The following DLGAP2 variants were observed in gnomAD, a reference collection of about 807,000 sequenced individuals.
DLGAP2 encodes DLG associated protein 2.
Under a neutral mutation model 100.3 loss-of-function variants are expected in DLGAP2, and 26 were observed. The observed-to-expected ratio is 0.26, with a 90% CI of 0.19 to 0.36. DLGAP2 has a LOEUF of 0.36. Ranked by LOEUF, DLGAP2 falls within the 10% of genes least tolerant of loss-of-function variation. DLGAP2 has a pLI of 1.00. For synonymous variants in DLGAP2, 886 were observed against 630.1 expected, an observed-to-expected ratio of 1.41 and a Z score of -6.08; for missense variants, 1,858 against 1,453.2, an observed-to-expected ratio of 1.28 and a Z score of -4.53.
intron 5 of DLGAP2, among the ~76,000 whole-genome samples, chr8:1,562,362 C>T (rs868803437): frequency 1.9e-5 from 1 of 52,884 alleles, no homozygotes; most frequent in African/African-American, 8.1e-5. Context: ...GGGGTGTCCG[C>T]GCCTCGTTGC....
intron 2 of DLGAP2, among the ~76,000 whole-genome samples, chr8:1,061,588 C>G (rs1563170804): frequency 6.7e-6 from 1 of 149,944 alleles, no homozygotes; most frequent in Non-Finnish European, 1.5e-5. Context: ...TGGAGTCTCG[C>G]TACTCCCAAG....
At chr8:1,661,312 C>G (rs1798404309) in intron 8 of DLGAP2, among the ~76,000 whole-genome samples, 1 of 152,120 alleles carries the variant, frequency 6.6e-6, no homozygotes, top group Admixed American at 6.5e-5. Flanking sequence ...TTCTCCATGG[C>G]CTCTACTATG....
intron 2 of DLGAP2, among the ~76,000 whole-genome samples, chr8:1,038,734 G>C (rs112702321): frequency 6.6e-6 from 1 of 152,092 alleles, no homozygotes; most frequent in African/African-American, 2.4e-5. Context: ...AACAAAATAT[G>C]ACAGTAGGTG....
At chr8:1,031,250 T>A (rs143224789) in intron 2 of DLGAP2, among the ~76,000 whole-genome samples, 3 of 152,138 alleles carry the variant, frequency 2.0e-5, no homozygotes, top group Non-Finnish European at 4.4e-5. Context: ...CCCGTTTCCT[T>A]GAAGTTCAGG....
intron 2 of DLGAP2, among the ~76,000 whole-genome samples, chr8:985,103 G>A (rs745609582): frequency 1.2e-4 from 18 of 152,220 alleles, no homozygotes; most frequent in Non-Finnish European, 1.5e-5. Context: ...GTCATATCTT[G>A]ACAGTGATCA....
intron 6 of DLGAP2, among the ~76,000 whole-genome samples, chr8:1,585,291 T>C (rs1032601695): frequency 2.6e-5 from 4 of 152,088 alleles, no homozygotes; most frequent in Non-Finnish European, 5.9e-5. Context: ...GGCAAAACCC[T>C]GTCTGTACTA....
chr8:1,483,439 T>C (rs115927889), intron 3 of DLGAP2, among the ~76,000 whole-genome samples: 3,210 of 146,846 alleles, frequency 0.022, 182 homozygotes, highest in African/African-American at 0.08. Context: ...AACTGCTGTG[T>C]AAGAGGCTCA....
rs1316232552 is a variant in DLGAP2 at position 1,470,818 on chromosome 8, T to C, written c.107-30548T>C. Among the ~76,000 whole-genome samples, 40 of 22,434 alleles carry C rather than the reference T, an allele frequency of 1.8e-3. 1 individual carries two copies. The highest frequency in any genetic ancestry group is 3.2e-3 in the South Asian group (2 of 624). The allele number at this position is 22,434 out of a possible 152,430, so 14.7% of individuals were successfully genotyped here. Reference sequence around the variant, plus strand: ...GACCCCTCCAGCCTTTCCCGACCCCTCCAGCCTTTCCCGACCCCTCCAGGC... The same window carrying C: ...GACCCCTCCAGCCTTTCCCGACCCCCCCAGCCTTTCCCGACCCCTCCAGGC... On this transcript the variant is annotated intron_variant, in intron 3 of 14. Transcript: ENST00000637795.
chr8:1,363,565 G>A (rs1195919098), intron 3 of DLGAP2, among the ~76,000 whole-genome samples: 1 of 152,206 alleles, frequency 6.6e-6, no homozygotes, highest in African/African-American at 2.4e-5. Flanking sequence ...CATTTCCAGA[G>A]GAACTTGGTC....
chr8:1,592,393 C>T lies in DLGAP2; in HGVS notation c.1442+26499C>T, dbSNP rs115933753. Reference sequence around the variant, plus strand: ...ATCTTTATATTGACGATTGGCCTGACGTGTGCCTCTGGCCCCCTTGACTTT... The same window carrying T: ...ATCTTTATATTGACGATTGGCCTGATGTGTGCCTCTGGCCCCCTTGACTTT... On this transcript the variant is annotated intron_variant, in intron 6 of 14. Transcript: ENST00000637795. 1.8e-3 allele frequency among the ~76,000 whole-genome samples: 268 copies of T among 152,178 alleles called. 2 individuals carry two copies. The highest frequency in any genetic ancestry group is 0.01 in the South Asian group (49 of 4,824).
intron 3 of DLGAP2, among the ~76,000 whole-genome samples, chr8:1,434,683 C>T (rs951936531): frequency 6.6e-6 from 1 of 152,138 alleles, no homozygotes; most frequent in African/African-American, 2.4e-5. Context: ...ACTATGTTGC[C>T]CTGGCTGATC....
chr8:1,225,430 G>C (rs1454506598), intron 2 of DLGAP2, among the ~76,000 whole-genome samples: 1 of 152,210 alleles, frequency 6.6e-6, no homozygotes, highest in Non-Finnish European at 1.5e-5. Flanking sequence ...GAACAGAGAG[G>C]AGAATGGGGA....
intron 3 of DLGAP2, among the ~76,000 whole-genome samples, chr8:1,277,309 AT>A (rs1267462208): frequency 1.3e-5 from 2 of 152,048 alleles, no homozygotes; most frequent in African/African-American, 2.4e-5. Context: ...TGGTAACTGT[AT>A]TTTTTTGTTG....
intron 2 of DLGAP2, among the ~76,000 whole-genome samples, chr8:1,099,533 C>G (rs1013840509): frequency 1.3e-5 from 2 of 152,234 alleles, no homozygotes; most frequent in African/African-American, 2.4e-5. Flanking sequence ...GCAGTGGTGT[C>G]TCTTCATTAG....
At chr8:1,157,393 G>A (rs147730020) in intron 2 of DLGAP2, among the ~76,000 whole-genome samples, 98 of 152,292 alleles carry the variant, frequency 6.4e-4, no homozygotes, top group African/African-American at 2.1e-3. Context: ...TTGTTTTTAA[G>A]AGTACATGCT....
At chr8:780,836 A>C (rs1340726518) in intron 1 of DLGAP2, among the ~76,000 whole-genome samples, 1 of 152,102 alleles carries the variant, frequency 6.6e-6, no homozygotes, top group Non-Finnish European at 1.5e-5. Flanking sequence ...CGCCTTCCCC[A>C]CACCCCCTTT....
intron 1 of DLGAP2, among the ~76,000 whole-genome samples, chr8:883,723 A>T (rs985927083): frequency 6.6e-6 from 1 of 151,686 alleles, no homozygotes; most frequent in East Asian, 2.0e-4. Context: ...GCCGTTCGTT[A>T]CGTAGGAGCG....
At chr8:1,547,545 G>A (rs947543335) in intron 4 of DLGAP2, among the ~76,000 whole-genome samples, 1 of 152,128 alleles carries the variant, frequency 6.6e-6, no homozygotes, top group African/African-American at 2.4e-5. Context: ...AAGGAGGAAG[G>A]TGTGAGTGCA....
intron 2 of DLGAP2, among the ~76,000 whole-genome samples, chr8:1,084,248 G>A (rs1585044237): frequency 2.0e-5 from 3 of 152,236 alleles, no homozygotes; most frequent in Admixed American, 2.0e-4. Context: ...TATTCATTAT[G>A]TATTTATCAT....
Sources: gnomAD v4.1 joint callset for allele counts (sites outside exome capture counted in the v4.1 genomes callset) on GRCh38, gnomAD v4.1.1 for gene constraint, MANE v1.5 for transcripts, NCBI Gene and HGNC (gene_info 2026-07-23, HGNC 2026-07-21) for gene names.